Variants in XRCC4 observed in about 807,000 individuals in gnomAD.
XRCC4 encodes DNA repair protein XRCC4.
In XRCC4, 28 loss-of-function variants were observed where a neutral mutation model predicts 39.1. The ratio of observed to expected loss-of-function variants is 0.72; its 90% CI spans 0.53 to 0.98. XRCC4 has a LOEUF of 0.98. Among genes scored for constraint, XRCC4 ranks in the 50% least tolerant of loss-of-function variants. XRCC4 has a pLI of 0.00. For missense variants in XRCC4, 350 were observed against 376.4 expected (o/e 0.93, Z 0.58); for synonymous variants, 123 against 126.4 (o/e 0.97, Z 0.18).
At chr5:83,260,153 C>G (rs1753700791) in intron 7 of XRCC4, among the ~76,000 whole-genome samples, 1 of 152,018 alleles carries the variant, frequency 6.6e-6, no homozygotes, top group Non-Finnish European at 1.5e-5. Flanking sequence ...TGAATTTATT[C>G]GTAGCTTATA....
Position 83,221,911 on chromosome 5 carries a change from T to G in XRCC4, c.745+16990T>G, listed in dbSNP as rs28360177. 4.5e-3 allele frequency among the ~76,000 whole-genome samples: 683 copies of G among 152,052 alleles called. 2 individuals carry two copies. The highest frequency in any genetic ancestry group is 0.016 in the African/African-American group (652 of 41,550). ...GCTTATTGGTGAATTGACTTTTTTATAGTTATGAAATATCTCTCGTTATCT... is the reference window on the plus strand; with the variant it reads ...GCTTATTGGTGAATTGACTTTTTTAGAGTTATGAAATATCTCTCGTTATCT... On this transcript the variant is annotated intron_variant, in intron 6 of 7. Transcript: ENST00000396027.
chr5:83,105,058 G>A lies in XRCC4; in HGVS notation c.139G>A (p.Val47Ile). The A allele has an allele frequency of 6.3e-7, 1 of 1,598,076 alleles. No individual in the cohort carries two copies. Among genetic ancestry groups the A allele is most frequent in the Non-Finnish European group, 8.5e-7 (1 of 1,175,182 alleles). The change falls in exon 2 of 8, where the codon GTT becomes ATT. Residue 47 changes from valine to isoleucine, a missense_variant and splice_region_variant. Coordinates refer to ENST00000396027, the MANE Select transcript of XRCC4 (RefSeq NM_003401.5). ...TDGHSAWTGTVSESEISQEAD... is the reference protein window; with the variant it reads ...TDGHSAWTGTISESEISQEAD... ...TGGTCATTCAGCATGGACTGGGACA[G>A]GTAATACTAAAAACAAAGTTTTTAT...
At chr5:83,274,834 A>G (rs1348945785) in intron 7 of XRCC4, among the ~76,000 whole-genome samples, 2 of 152,232 alleles carry the variant, frequency 1.3e-5, no homozygotes, top group Non-Finnish European at 2.9e-5. Flanking sequence ...TTTGAGGGCC[A>G]ATGGTCTTTA....
At chr5:83,108,325 C>A (rs912759155) in intron 2 of XRCC4, among the ~76,000 whole-genome samples, 2 of 151,854 alleles carry the variant, frequency 1.3e-5, no homozygotes, top group African/African-American at 4.8e-5. Context: ...GTCAGATTTC[C>A]ATGTTTACTT....
At chr5:83,242,153 G>A (rs936689852) in intron 6 of XRCC4, among the ~76,000 whole-genome samples, 19 of 136,630 alleles carry the variant, frequency 1.4e-4, no homozygotes, top group Admixed American at 1.1e-3. Flanking sequence ...AGGGTCACTC[G>A]TATACACATT....
intron 1 of XRCC4, among the ~76,000 whole-genome samples, chr5:83,088,758 G>T (rs1745293665): frequency 6.6e-6 from 1 of 152,032 alleles, no homozygotes. Flanking sequence ...GAAGATTGTT[G>T]ATGCATATAA....
At chr5:83,241,473 C>T (rs1258563187) in intron 6 of XRCC4, among the ~76,000 whole-genome samples, 1 of 152,122 alleles carries the variant, frequency 6.6e-6, no homozygotes, top group Non-Finnish European at 1.5e-5. Context: ...TCCCTACTCT[C>T]AGTTCACTGA....
intron 1 of XRCC4, among the ~76,000 whole-genome samples, chr5:83,082,220 G>A (rs1744976135): frequency 6.6e-6 from 1 of 152,088 alleles, no homozygotes; most frequent in East Asian, 1.9e-4. Flanking sequence ...TCATATGTCA[G>A]CCAGAGTGAT....
At chr5:83,135,487 G>GT (rs1747851892) in intron 3 of XRCC4, among the ~76,000 whole-genome samples, 1 of 145,870 alleles carries the variant, frequency 6.9e-6, no homozygotes. Flanking sequence ...AGTTTTCTTT[G>GT]TTTATTGAGC....
At chr5:83,342,251 C>A (rs879071076) in intron 7 of XRCC4, among the ~76,000 whole-genome samples, 1 of 152,130 alleles carries the variant, frequency 6.6e-6, no homozygotes, top group Admixed American at 6.5e-5. Flanking sequence ...TATAACATTT[C>A]TGTGTAAGTG....
In XRCC4 at chr5:83,105,097, G is replaced by T. The variant is rs371538224; in HGVS notation, c.139+39G>T. On this transcript the variant is annotated intron_variant, in intron 2 of 7. Coordinates refer to ENST00000396027, the MANE Select transcript of XRCC4 (RefSeq NM_003401.5). ...CAAAGTTTTTATAAGTAAAATTTAA[G>T]TGTGCTATTCTTCAGTCCTCAGGGA... The T allele has an allele frequency of 4.4e-6, 7 of 1,580,662 alleles. No homozygotes were observed. The African/African-American group carries it at 8.2e-5, about 19-fold the overall frequency.
chr5:83,196,775 A>G (rs988896395), intron 4 of XRCC4, among the ~76,000 whole-genome samples: 3 of 151,568 alleles, frequency 2.0e-5, no homozygotes, highest in South Asian at 2.1e-4. Flanking sequence ...GATTTTTTAA[A>G]TCTTTTGCTT....
chr5:83,256,171 G>T (rs1262375268), intron 6 of XRCC4, among the ~76,000 whole-genome samples: 1 of 152,176 alleles, frequency 6.6e-6, no homozygotes, highest in Non-Finnish European at 1.5e-5. Flanking sequence ...TAGGAGTACA[G>T]ATTTCTGATC....
chr5:83,362,079 T>A, the XRCC4 span, among the ~76,000 whole-genome samples: 244 of 152,164 alleles, frequency 1.6e-3, 2 homozygotes, highest in Middle Eastern at 0.041. Flanking sequence ...TAACACATTT[T>A]CCCTAGTACT....
chr5:83,186,882 C>T (rs1434112475), intron 3 of XRCC4, among the ~76,000 whole-genome samples: 1 of 151,678 alleles, frequency 6.6e-6, no homozygotes, highest in African/African-American at 2.4e-5. Flanking sequence ...AACCCATTGT[C>T]TTGTCTTTCC....
the XRCC4 span, among the ~76,000 whole-genome samples, chr5:83,366,974 GT>G: frequency 6.6e-6 from 1 of 151,988 alleles, no homozygotes; most frequent in African/African-American, 2.4e-5. Flanking sequence ...GTGTTTATTT[GT>G]TTTTTTGGCC....
At chr5:83,168,331 T>G (rs1265810231) in intron 3 of XRCC4, among the ~76,000 whole-genome samples, 2 of 152,192 alleles carry the variant, frequency 1.3e-5, no homozygotes, top group African/African-American at 4.8e-5. Flanking sequence ...CAAAATAATC[T>G]GGAGAATGTG....
chr5:83,154,853 C>T (rs529437280), intron 3 of XRCC4, among the ~76,000 whole-genome samples: 1 of 152,180 alleles, frequency 6.6e-6, no homozygotes, highest in African/African-American at 2.4e-5. Flanking sequence ...ACACAACCTT[C>T]AAGTCTCCAT....
At chr5:83,311,000 C>G (rs1373892650) in intron 7 of XRCC4, 1 of 315,444 alleles carries the variant, frequency 3.2e-6, no homozygotes, top group African/African-American at 2.2e-5. Context: ...TATTTTAGCC[C>G]CATAACAGTC....
Sources: allele counts gnomAD v4.1 joint callset (sites outside exome capture counted in the v4.1 genomes callset), GRCh38; gene constraint gnomAD v4.1.1; transcripts MANE v1.5; gene names NCBI Gene and HGNC (gene_info 2026-07-23, HGNC 2026-07-21).